KIFBP: variants seen among roughly 807,000 people sequenced by gnomAD.
KIFBP encodes the protein kinesin family binding protein, also known as KIF-binding protein.
KIFBP carries 46 observed loss-of-function variants against 58.9 expected under a neutral mutation model. The observed-to-expected ratio is 0.78, with a 90% confidence interval of 0.62 to 1.00. The LOEUF (loss-of-function observed/expected upper bound fraction) is 1.00. Among genes scored for constraint, KIFBP ranks in the 50% least tolerant of loss-of-function variants. KIFBP has a pLI of 0.00. For missense variants in KIFBP, 651 were observed against 752.9 expected (o/e 0.86, Z 1.58); for synonymous variants, 241 against 283.4 (o/e 0.85, Z 1.50).
intron 1 of KIFBP, among the ~76,000 whole-genome samples, chr10:68,993,644 G>GGCT (rs1191548786): frequency 6.6e-6 from 1 of 151,674 alleles, no homozygotes; most frequent in African/African-American, 2.4e-5. Context: ...TATAGAGATG[G>GGCT]GGTCTCACTA....
intron 1 of KIFBP, among the ~76,000 whole-genome samples, chr10:68,993,375 C>G (rs552593551): frequency 3.9e-5 from 6 of 152,290 alleles, no homozygotes; most frequent in African/African-American, 1.2e-4. Context: ...TTGGTTCTCC[C>G]TTGTGGGTTA....
chr10:69,002,702 A>G (rs1843482030), intron 2 of KIFBP, among the ~76,000 whole-genome samples: 1 of 151,806 alleles, frequency 6.6e-6, no homozygotes, highest in African/African-American at 2.4e-5. Context: ...CCTGGGCCAC[A>G]TAGTGATACG....
chr10:69,010,889 G>A lies in KIFBP; in HGVS notation c.875-11G>A. 1.3e-6 allele frequency: 2 copies of A among 1,560,028 alleles called. No homozygotes were observed. The highest frequency in any genetic ancestry group is 1.4e-5 in the African/African-American group (1 of 73,958). ...GACCATTAACTTAAACAAATCACAT[G>A]TATATTTTAGCTCCTGAAGCTGAAG... On this transcript the variant is annotated splice_polypyrimidine_tract_variant and intron_variant, in intron 5 of 6. Coordinates refer to ENST00000361983, the MANE Select transcript of KIFBP (RefSeq NM_015634.4).
chr10:68,989,882 G>T (rs1223784818), intron 1 of KIFBP: 2 of 153,162 alleles, frequency 1.3e-5, no homozygotes, highest in African/African-American at 4.8e-5. Flanking sequence ...ATTTTCTGTA[G>T]AGATGGGGGT....
intron 1 of KIFBP, chr10:68,991,429 A>G (rs896935453): frequency 1.9e-5 from 7 of 360,112 alleles, no homozygotes; most frequent in African/African-American, 1.5e-4. Flanking sequence ...TACAAAAAAG[A>G]TTGCAATTAT....
intron 6 of KIFBP, among the ~76,000 whole-genome samples, chr10:69,012,817 C>T (rs1843609106): frequency 6.6e-6 from 1 of 152,012 alleles, no homozygotes. Context: ...CACTTGAGCC[C>T]AGGAGGCAGA....
intron 1 of KIFBP, among the ~76,000 whole-genome samples, chr10:68,993,829 T>C (rs1434619593): frequency 1.3e-5 from 2 of 152,188 alleles, no homozygotes; most frequent in African/African-American, 2.4e-5. Context: ...GAAACTCTGA[T>C]TGGCTGCTTT....
intron 1 of KIFBP, among the ~76,000 whole-genome samples, chr10:68,992,808 G>T (rs1843364053): frequency 6.6e-6 from 1 of 151,938 alleles, no homozygotes; most frequent in African/African-American, 2.4e-5. Context: ...TTTTTGTTTT[G>T]TTTTCTTTGC....
At chr10:69,015,460 A>AT (rs1466159955) in intron 6 of KIFBP, 81 bp from the exon 7 acceptor site, 3 of 1,384,936 alleles carry the variant, frequency 2.2e-6, no homozygotes, top group Non-Finnish European at 3.0e-6. Flanking sequence ...CTTCTAAAAA[A>AT]CTCTGAAGTT....
At chr10:69,009,369 C>A (rs1843568699) in intron 5 of KIFBP, among the ~76,000 whole-genome samples, 1 of 151,788 alleles carries the variant, frequency 6.6e-6, no homozygotes, top group Non-Finnish European at 1.5e-5. Flanking sequence ...AACATTGATA[C>A]AATTCTTTTA....
At chr10:69,013,251 G>GA (rs1293134484) in intron 6 of KIFBP, among the ~76,000 whole-genome samples, 1 of 152,128 alleles carries the variant, frequency 6.6e-6, no homozygotes, top group Non-Finnish European at 1.5e-5. Flanking sequence ...AGAACCTTGT[G>GA]AAACTACTAA....
intron 1 of KIFBP, among the ~76,000 whole-genome samples, chr10:68,994,757 T>C (rs1843386878): frequency 1.3e-5 from 2 of 152,118 alleles, no homozygotes; most frequent in Non-Finnish European, 2.9e-5. Context: ...TTTTGACATA[T>C]ATATTTATAC....
In KIFBP at chr10:69,015,941, A is replaced by G; in HGVS notation, c.1391A>G (p.Gln464Arg). 1.2e-6 allele frequency: 2 copies of G among 1,614,226 alleles called. No individual in the cohort carries two copies. Among genetic ancestry groups the G allele is most frequent in the South Asian group, 2.2e-5 (2 of 91,078 alleles). Residue 464 changes from glutamine (Q) to arginine (R), a missense_variant, in exon 7 of 7, where the codon CAG becomes CGG. Transcript: ENST00000361983. ...LEPLTVDLNP[Q>R]YYLLVNRQIQ... ...CCCCTAACTGTAGACCTGAATCCACAGTATTATCTGTTGGTCAACAGACAG... is the reference window on the plus strand; with the variant it reads ...CCCCTAACTGTAGACCTGAATCCACGGTATTATCTGTTGGTCAACAGACAG...
Position 68,989,055 on chromosome 10 carries a change from G to C in KIFBP, c.223G>C (p.Gly75Arg). Residue 75 changes from glycine to arginine, a missense_variant, in exon 1 of 7, where the codon GGG (glycine) becomes CGG (arginine). Transcript: ENST00000361983. ...DGPGAGDHAL[G>R]LPAEVVEPEG... ...CCCGGGTGCCGGTGACCACGCCCTGGGGCTGCCGGCTGAGGTGGTGGAGCC... is the reference window on the plus strand; with the variant it reads ...CCCGGGTGCCGGTGACCACGCCCTGCGGCTGCCGGCTGAGGTGGTGGAGCC... 6.2e-7 allele frequency: 1 copy of C among 1,612,840 alleles called. No individual in the cohort carries two copies. Among genetic ancestry groups the C allele is most frequent in the East Asian group, 2.2e-5 (1 of 44,846 alleles).
intron 1 of KIFBP, among the ~76,000 whole-genome samples, chr10:68,999,515 T>G (rs1214453850): frequency 6.6e-6 from 1 of 152,166 alleles, no homozygotes; most frequent in African/African-American, 2.4e-5. Context: ...CTTAGCTGAT[T>G]GTTCCTTACT....
Position 68,992,949 on chromosome 10 carries a change from C to CT in KIFBP, c.426+3692dup, listed in dbSNP as rs553415154. Among the ~76,000 whole-genome samples the CT allele has an allele frequency of 2.3e-3, 351 of 152,092 alleles. 9 individuals are homozygous for CT. Among genetic ancestry groups the CT allele is most frequent in the Non-Finnish European group, 6.9e-4 (47 of 68,006 alleles). On this transcript the variant is annotated intron_variant, in intron 1 of 6. Transcript: ENST00000361983. ...GGAGGGGCTGCAGGGTGATCCTTGG[C>CT]TACTGAACCTCCACAGAGAGCATGT...
At chr10:69,003,583 G>A (rs944836672) in intron 2 of KIFBP, among the ~76,000 whole-genome samples, 1 of 152,170 alleles carries the variant, frequency 6.6e-6, no homozygotes, top group Non-Finnish European at 1.5e-5. Context: ...GTAAGAGGGG[G>A]TTGTAAGTGA....
chr10:68,997,205 A>G (rs909315071), intron 1 of KIFBP, among the ~76,000 whole-genome samples: 4 of 152,118 alleles, frequency 2.6e-5, no homozygotes, highest in African/African-American at 9.7e-5. Flanking sequence ...GACCTCATTA[A>G]ACTACATAAG....
Position 68,989,114 on chromosome 10 carries a change from G to A in KIFBP, c.282G>A (p.Leu94=). Residue 94 remains leucine (L), a synonymous_variant, in exon 1 of 7, where the codon CTG becomes CTA. Transcript: ENST00000361983. ...CCGTCGCCCAGCGAGCGGTGAGGCT[G>A]GCAGTCATCGAGTTCCACCTCGGGG... is the stretch of plus-strand genomic sequence containing the variant. ...EGPVAQRAVR[L]AVIEFHLGVN... The A allele has an allele frequency of 6.2e-7, 1 of 1,611,152 alleles. No homozygotes were observed. The highest frequency in any genetic ancestry group is 1.1e-5 in the South Asian group (1 of 90,854).
Sources: allele counts gnomAD v4.1 joint callset (sites outside exome capture counted in the v4.1 genomes callset), GRCh38; gene constraint gnomAD v4.1.1; transcripts MANE v1.5; gene names NCBI Gene and HGNC (gene_info 2026-07-23, HGNC 2026-07-21).